NFATC1: variants seen among roughly 807,000 people sequenced by gnomAD.
NFATC1 encodes the protein nuclear factor of activated T cells 1.
NFATC1 carries 22 observed loss-of-function variants against 76.0 expected under a neutral mutation model. That is an observed-to-expected ratio of 0.29 (90% CI 0.21 to 0.41). The LOEUF (loss-of-function observed/expected upper bound fraction) is 0.41. Among genes scored for constraint, NFATC1 ranks in the 10% least tolerant of loss-of-function variants. The pLI, the probability that NFATC1 is intolerant of heterozygous loss-of-function variation, is 1.00. For synonymous variants in NFATC1, 704 were observed against 613.1 expected (o/e 1.15, Z -2.19); for missense variants, 1,357 against 1,337.7 (o/e 1.01, Z -0.23).
chr18:79,441,920 C>G (rs941798276), intron 3 of NFATC1, among the ~76,000 whole-genome samples: 4 of 152,130 alleles, frequency 2.6e-5, no homozygotes, highest in Non-Finnish European at 5.9e-5. Context: ...CGGGCAGAAT[C>G]TTCTTCAGCC....
At chr18:79,508,798 CGTCCATCTCTCT>C (rs1248285335) in intron 9 of NFATC1, among the ~76,000 whole-genome samples, 5 of 151,640 alleles carry the variant, frequency 3.3e-5, no homozygotes, top group Non-Finnish European at 5.9e-5. Flanking sequence ...TCCATCTCTC[CGTCCATCTCTCT>C]CTCTCTCCAT....
chr18:79,405,955 G>A (rs992513858), intron 1 of NFATC1, among the ~76,000 whole-genome samples: 9 of 151,840 alleles, frequency 5.9e-5, no homozygotes, highest in Non-Finnish European at 8.8e-5. Flanking sequence ...TCACAGAAAC[G>A]TCAAGGGCTA....
intron 9 of NFATC1, among the ~76,000 whole-genome samples, chr18:79,526,962 C>G (rs1490486884): frequency 6.6e-6 from 1 of 152,214 alleles, no homozygotes; most frequent in Non-Finnish European, 1.5e-5. Context: ...CAGCGCCCAT[C>G]AGGGCGGCCA....
chr18:79,526,862 C>T (rs149539810), intron 9 of NFATC1, among the ~76,000 whole-genome samples: 4 of 152,298 alleles, frequency 2.6e-5, no homozygotes, highest in East Asian at 1.9e-4. Context: ...GAGGGAAGCC[C>T]GGGCAGTTCC....
chr18:79,485,876 A>G (rs1031297744), intron 8 of NFATC1, among the ~76,000 whole-genome samples: 1 of 152,266 alleles, frequency 6.6e-6, no homozygotes, highest in Non-Finnish European at 1.5e-5. Context: ...ATGTGCAGAC[A>G]TTTATCAAAC....
chr18:79,522,450 T>TG (rs766902741), intron 9 of NFATC1, among the ~76,000 whole-genome samples: 1 of 66,138 alleles, frequency 1.5e-5, no homozygotes, highest in Admixed American at 2.2e-4. Context: ...GTGTGTGTGT[T>TG]GGGGGGGTGC....
chr18:79,445,548 C>T (rs761093770), intron 3 of NFATC1, among the ~76,000 whole-genome samples: 12 of 152,234 alleles, frequency 7.9e-5, no homozygotes, highest in Admixed American at 3.3e-4. Flanking sequence ...GGACCCTAGA[C>T]GCTGTTCACA....
intron 2 of NFATC1, among the ~76,000 whole-genome samples, 196 bp downstream of exon 2, chr18:79,411,697 T>C (rs1265550751): frequency 6.6e-6 from 1 of 152,166 alleles, no homozygotes; most frequent in Non-Finnish European, 1.5e-5. Context: ...TGCAGACTTT[T>C]CCTTGTGCGC....
At chr18:79,456,095 C>T (rs942335962) in intron 6 of NFATC1, among the ~76,000 whole-genome samples, 3 of 152,180 alleles carry the variant, frequency 2.0e-5, no homozygotes, top group Non-Finnish European at 4.4e-5. Context: ...GGCACCTGGC[C>T]GTTGTTTTGG....
At chr18:79,466,458 G>A (rs2088497815) in intron 7 of NFATC1, among the ~76,000 whole-genome samples, 1 of 152,156 alleles carries the variant, frequency 6.6e-6, no homozygotes, top group Admixed American at 6.5e-5. Flanking sequence ...CCCGAGTAAC[G>A]CTGGGGCCTG....
chr18:79,443,944 G>T (rs2144732911), intron 3 of NFATC1, among the ~76,000 whole-genome samples: 1 of 152,328 alleles, frequency 6.6e-6, no homozygotes, highest in South Asian at 2.1e-4. Context: ...TGCCAGGTTT[G>T]TGGGATTTGG....
At chr18:79,491,628 C>T (rs2089680590) in intron 9 of NFATC1, among the ~76,000 whole-genome samples, 1 of 152,200 alleles carries the variant, frequency 6.6e-6, no homozygotes, top group Non-Finnish European at 1.5e-5. Flanking sequence ...AGAAGCCCTG[C>T]CGGGTCCACT....
At chr18:79,474,509 C>T (rs1390723374) in intron 8 of NFATC1, among the ~76,000 whole-genome samples, 23 of 132,534 alleles carry the variant, frequency 1.7e-4, no homozygotes, top group Middle Eastern at 6.0e-3. Flanking sequence ...GTCGACGTTG[C>T]AAGGGAAGCG....
chr18:79,451,177 C>T lies in NFATC1; in HGVS notation c.1762+51C>T, dbSNP rs373993229. 1.4e-4 allele frequency: 215 copies of T among 1,558,488 alleles called. No individual in the cohort carries two copies. In the East Asian group the frequency reaches 2.8e-3, roughly 20 times the overall value. On this transcript the variant is annotated intron_variant, in intron 5 of 9. Coordinates refer to ENST00000427363, the MANE Select transcript of NFATC1 (RefSeq NM_001278669.2). ...GGGGAGGAAACCGTCCCGTCACATGCGCTTCACTGTCTCACCCGCTCTCAG... is the reference window on the plus strand; with the variant it reads ...GGGGAGGAAACCGTCCCGTCACATGTGCTTCACTGTCTCACCCGCTCTCAG...
In NFATC1 at chr18:79,527,915, G is replaced by A. The variant is rs1414754935; in HGVS notation, c.*338G>A. On this transcript the variant is annotated 3_prime_UTR_variant, in exon 10 of 10. Coordinates refer to ENST00000427363, the MANE Select transcript of NFATC1 (RefSeq NM_001278669.2). ...GCCCAGCCCTTCTGGCACCCCTGGG[G>A]TTCAATACTGGAAGTGCCTTATTTA... The A allele has an allele frequency of 2.3e-6, 1 of 443,600 alleles. No individual in the cohort carries two copies. The highest frequency in any genetic ancestry group is 7.7e-5 in the South Asian group (1 of 13,058). The allele number at this position is 443,600 out of a possible 1,614,324, so 27.5% of individuals were successfully genotyped here. A position where few individuals can be genotyped will look rare whatever the true frequency, so the allele number is the denominator to read the frequency against.
At chr18:79,485,760 C>T (rs138881890) in intron 8 of NFATC1, among the ~76,000 whole-genome samples, 1 of 152,254 alleles carries the variant, frequency 6.6e-6, no homozygotes, top group Non-Finnish European at 1.5e-5. Context: ...CAGTGTTTTT[C>T]TTTCGCAGTG....
At chr18:79,416,016 C>T (rs1313285615) in intron 2 of NFATC1, among the ~76,000 whole-genome samples, 2 of 152,198 alleles carry the variant, frequency 1.3e-5, no homozygotes, top group African/African-American at 2.4e-5. Flanking sequence ...GAGCTGAGGT[C>T]GTGCCACTGC....
chr18:79,516,627 GA>G (rs1343195587), intron 9 of NFATC1, among the ~76,000 whole-genome samples: 5 of 152,148 alleles, frequency 3.3e-5, no homozygotes, highest in Admixed American at 3.3e-4. Context: ...GGAGGTTATG[GA>G]AAATCCAGAT....
At chr18:79,462,486 T>C (rs142851039) in intron 7 of NFATC1, among the ~76,000 whole-genome samples, 2,039 of 152,250 alleles carry the variant, frequency 0.013, 56 homozygotes, top group African/African-American at 0.047. Context: ...GTAATTTTAG[T>C]AGAGATGGGG....
Sources: gnomAD v4.1 joint callset for allele counts (sites outside exome capture counted in the v4.1 genomes callset) on GRCh38, gnomAD v4.1.1 for gene constraint, MANE v1.5 for transcripts, NCBI Gene and HGNC (gene_info 2026-07-23, HGNC 2026-07-21) for gene names.